Variants in FAM20B observed in about 807,000 individuals in gnomAD.
FAM20B encodes FAM20B glycosaminoglycan xylosylkinase.
FAM20B carries 23 observed loss-of-function variants against 43.8 expected under a neutral mutation model. The ratio of observed to expected loss-of-function variants is 0.53; its 90% CI spans 0.38 to 0.74. The LOEUF (loss-of-function observed/expected upper bound fraction) is 0.74, where lower values mean the gene tolerates loss of function less well. Among genes scored for constraint, FAM20B ranks in the 30% least tolerant of loss-of-function variants. FAM20B has a pLI of 0.00. For synonymous variants in FAM20B, 178 were observed against 192.4 expected (o/e 0.93, Z 0.62); for missense variants, 440 against 510.5 (o/e 0.86, Z 1.33).
intron 7 of FAM20B, among the ~76,000 whole-genome samples, chr1:179,069,241 C>A (rs1036652704): frequency 6.6e-6 from 1 of 152,168 alleles, no homozygotes; most frequent in African/African-American, 2.4e-5. Context: ...CACCATTGAC[C>A]CACAGAAGCA....
At chr1:179,026,327 C>T (rs1333217913) in intron 1 of FAM20B, among the ~76,000 whole-genome samples, 1 of 151,742 alleles carries the variant, frequency 6.6e-6, no homozygotes, top group African/African-American at 2.4e-5. Flanking sequence ...GGGAGACCCG[C>T]TCGGGCCGCG....
chr1:179,049,706 A>G (rs1179777308), intron 2 of FAM20B, among the ~76,000 whole-genome samples: 2 of 152,092 alleles, frequency 1.3e-5, no homozygotes, highest in African/African-American at 4.8e-5. Flanking sequence ...ACACCCAGGT[A>G]ATTTTGGTGT....
chr1:179,018,038 G>A, the FAM20B span, among the ~76,000 whole-genome samples: 1,879 of 152,320 alleles, frequency 0.012, 42 homozygotes, highest in African/African-American at 0.042. Context: ...GCCAGAGGGT[G>A]TTCTGCCCTT....
chr1:179,041,937 A>G (rs1051364907), intron 1 of FAM20B, among the ~76,000 whole-genome samples: 1 of 152,042 alleles, frequency 6.6e-6, no homozygotes, highest in African/African-American at 2.4e-5. Flanking sequence ...GTTTTTCCTC[A>G]TTGTTTTGGT....
chr1:179,030,790 A>C (rs1644984670), intron 1 of FAM20B, among the ~76,000 whole-genome samples: 1 of 152,032 alleles, frequency 6.6e-6, no homozygotes, highest in Admixed American at 6.6e-5. Context: ...CAGGCCCTGC[A>C]CAGTGCTAAG....
intron 1 of FAM20B, among the ~76,000 whole-genome samples, chr1:179,028,563 A>C (rs1304206264): frequency 6.6e-6 from 1 of 152,204 alleles, no homozygotes; most frequent in South Asian, 2.1e-4. Context: ...GACTGCTGAC[A>C]GTGAGACTCC....
At chr1:179,059,998 T>G (rs1254618881) in intron 4 of FAM20B, among the ~76,000 whole-genome samples, 1 of 151,786 alleles carries the variant, frequency 6.6e-6, no homozygotes, top group Non-Finnish European at 1.5e-5. Context: ...TTCTGTGAAA[T>G]TCAATGAAAA....
intron 1 of FAM20B, among the ~76,000 whole-genome samples, chr1:179,030,750 A>G (rs186768747): frequency 2.0e-5 from 3 of 152,206 alleles, no homozygotes; most frequent in Admixed American, 2.0e-4. Context: ...CTCTCCTTTT[A>G]TTCCACAAAC....
chr1:179,049,141 A>G (rs1008056868), intron 2 of FAM20B, among the ~76,000 whole-genome samples: 4 of 152,262 alleles, frequency 2.6e-5, no homozygotes, highest in African/African-American at 7.2e-5. Flanking sequence ...TAAAATGGTT[A>G]GTAGAAAGAA....
At chr1:179,061,035 T>C (rs1439870445) in intron 4 of FAM20B, among the ~76,000 whole-genome samples, 1 of 152,056 alleles carries the variant, frequency 6.6e-6, no homozygotes, top group Non-Finnish European at 1.5e-5. Flanking sequence ...CCCTAGGGCA[T>C]ATAGTCTTTT....
intron 1 of FAM20B, among the ~76,000 whole-genome samples, chr1:179,027,974 A>C (rs1246457640): frequency 6.6e-6 from 1 of 152,064 alleles, no homozygotes; most frequent in East Asian, 1.9e-4. Flanking sequence ...CTTGATTTCC[A>C]TTTGTAGATT....
chr1:179,036,944 T>C (rs1359908941), intron 1 of FAM20B, among the ~76,000 whole-genome samples: 1 of 152,050 alleles, frequency 6.6e-6, no homozygotes, highest in Non-Finnish European at 1.5e-5. Context: ...AAGAGGAATT[T>C]TGAGGGACTA....
intron 6 of FAM20B, among the ~76,000 whole-genome samples, chr1:179,066,087 A>G (rs930166963): frequency 2.0e-5 from 3 of 152,110 alleles, no homozygotes; most frequent in Non-Finnish European, 4.4e-5. Context: ...TTTGAGGGGG[A>G]CACAAACATT....
chr1:179,036,278 C>A (rs1397118718), intron 1 of FAM20B, among the ~76,000 whole-genome samples: 4 of 152,146 alleles, frequency 2.6e-5, no homozygotes, highest in Non-Finnish European at 2.9e-5. Flanking sequence ...GCCAGCTTTT[C>A]ATGTGAAAAC....
upstream of FAM20B, among the ~76,000 whole-genome samples, chr1:179,025,224 T>C (rs1353046775): frequency 6.6e-6 from 1 of 152,352 alleles, no homozygotes; most frequent in African/African-American, 2.4e-5. Context: ...CAGGAGCGAC[T>C]GACCTGCCCT....
intron 4 of FAM20B, among the ~76,000 whole-genome samples, chr1:179,063,703 A>G (rs1377048017): frequency 6.6e-6 from 1 of 152,234 alleles, no homozygotes; most frequent in Non-Finnish European, 1.5e-5. Flanking sequence ...AGGCAAGGGC[A>G]ACTTACTTTT....
intron 7 of FAM20B, among the ~76,000 whole-genome samples, chr1:179,068,500 A>G (rs1651784202): frequency 6.6e-6 from 1 of 151,900 alleles, no homozygotes; most frequent in Admixed American, 6.6e-5. Flanking sequence ...CAGTGGCGCG[A>G]TCTCGGCTCA....
intron 2 of FAM20B, among the ~76,000 whole-genome samples, 156 bp downstream of exon 2, chr1:179,044,380 G>C (rs1340483668): frequency 6.6e-6 from 1 of 152,178 alleles, no homozygotes; most frequent in Non-Finnish European, 1.5e-5. Context: ...CACTTAACAT[G>C]AATCTACCTT....
At chr1:179,025,076 G>GTA (rs1198720249), upstream of FAM20B, among the ~76,000 whole-genome samples, 6 of 152,170 alleles carry the variant, frequency 3.9e-5, no homozygotes, top group Non-Finnish European at 8.8e-5. Flanking sequence ...TTGCGCTTTA[G>GTA]TATATGGTGA....
Sources: allele counts gnomAD v4.1 joint callset (sites outside exome capture counted in the v4.1 genomes callset), GRCh38; gene constraint gnomAD v4.1.1; transcripts MANE v1.5; gene names NCBI Gene and HGNC (gene_info 2026-07-23, HGNC 2026-07-21).